PABPC1: variants seen among roughly 807,000 people sequenced by gnomAD.
PABPC1 encodes poly(A) binding protein cytoplasmic 1, also known as polyadenylate-binding protein 1.
PABPC1 carries 4 observed loss-of-function variants against 74.0 expected under a neutral mutation model. That is an observed-to-expected ratio of 0.05 (90% CI 0.03 to 0.12). PABPC1 has a LOEUF of 0.12. PABPC1 is among the 10% of genes least tolerant of loss of function. The pLI is 1.00. For synonymous variants in PABPC1, 227 were observed against 264.1 expected (o/e 0.86, Z 1.36); for missense variants, 271 against 821.1 (o/e 0.33, Z 8.19).
At chr8:100,704,146 G>A in intron 14 of PABPC1, 151 bp downstream of exon 14, 1 of 606,704 alleles carries the variant, frequency 1.6e-6, no homozygotes, top group East Asian at 2.9e-5. Context: ...TTCCTCTATA[G>A]TTAGTTCCAC....
chr8:100,717,761 T>C lies in PABPC1; in HGVS notation c.503+12A>G, dbSNP rs555442365. ...GATTCAAAATATGATTAGCTAGATA[T>C]TTATAACTTACACTTTGCGATCATT... is the stretch of plus-strand genomic sequence containing the variant. On this transcript the variant is annotated intron_variant, in intron 3 of 14. Coordinates refer to ENST00000318607, the MANE Select transcript of PABPC1 (RefSeq NM_002568.4). 8.5e-6 allele frequency: 12 copies of C among 1,408,552 alleles called. No homozygotes were observed. The East Asian group carries it at 2.3e-4, about 27-fold the overall frequency. 87.3% of individuals were successfully genotyped at this position (1,408,552 alleles called of 1,614,324 possible). A position where few individuals can be genotyped will look rare whatever the true frequency, so the allele number is the denominator to read the frequency against.
At chr8:100,705,715 A>G in intron 11 of PABPC1, 42 bp from the exon 12 acceptor site, 1 of 1,296,502 alleles carries the variant, frequency 7.7e-7, no homozygotes, top group East Asian at 2.3e-5. Flanking sequence ...AGCACAGAAA[A>G]AGATGGCAAA....
intron 1 of PABPC1, among the ~76,000 whole-genome samples, chr8:100,718,516 T>G (rs974361238): frequency 3.9e-5 from 6 of 152,172 alleles, no homozygotes; most frequent in African/African-American, 1.4e-4. Flanking sequence ...TATAAAAGAA[T>G]TCCATATTGC....
At chr8:100,713,026 T>C in intron 5 of PABPC1, 61 bp downstream of exon 5, 1 of 1,237,096 alleles carries the variant, frequency 8.1e-7, no homozygotes. Context: ...GCACATAGAC[T>C]TCAACACAAG....
rs564276728 is a variant in PABPC1, at chr8:100,713,189, A to AT, written c.644-9dup. 2 of 1,467,360 alleles carry AT rather than the reference A, an allele frequency of 1.4e-6. No homozygotes were observed. The highest frequency in any genetic ancestry group is 1.4e-5 in the African/African-American group (1 of 70,150). 90.9% of individuals were successfully genotyped at this position (1,467,360 alleles called of 1,614,324 possible). On this transcript the variant is annotated splice_polypyrimidine_tract_variant and intron_variant, in intron 4 of 14. Coordinates refer to ENST00000318607, the MANE Select transcript of PABPC1 (RefSeq NM_002568.4). ...TCACACTTAAGGCAGGCCCTAAAAA[A>AT]TTTTTTTACATAAATCAAAGATATT...
At chr8:100,706,200 G>A (rs1810374449) in intron 11 of PABPC1, among the ~76,000 whole-genome samples, 1 of 152,216 alleles carries the variant, frequency 6.6e-6, no homozygotes, top group Non-Finnish European at 1.5e-5. Flanking sequence ...TTTAGGATGT[G>A]AATTTCTCGC....
intron 1 of PABPC1, among the ~76,000 whole-genome samples, chr8:100,720,601 C>T (rs185221831): frequency 5.1e-4 from 78 of 152,300 alleles, no homozygotes; most frequent in Non-Finnish European, 9.1e-4. Context: ...TACTGTGAAT[C>T]TAAGATAAAA....
Position 100,712,808 on chromosome 8 carries a change from G to A in PABPC1, c.739-19C>T, listed in dbSNP as rs68168659. On this transcript the variant is annotated intron_variant, in intron 5 of 14. Coordinates refer to ENST00000318607, the MANE Select transcript of PABPC1 (RefSeq NM_002568.4). Reference sequence around the variant, plus strand: ...CCACAGCCTTCCCCCCAAAAAAAAAGAAAAAAAAAAAATCACAAAACTTTC... The same window carrying A: ...CCACAGCCTTCCCCCCAAAAAAAAAAAAAAAAAAAAAATCACAAAACTTTC... 8,783 of 1,365,930 alleles carry A rather than the reference G, an allele frequency of 6.4e-3. 11 individuals are homozygous for A. The highest frequency in any genetic ancestry group is 0.024 in the South Asian group (1,647 of 68,942). 84.6% of individuals were successfully genotyped at this position (1,365,930 alleles called of 1,614,324 possible).
chr8:100,717,959 A>C, intron 2 of PABPC1, 71 bp from the exon 3 acceptor site: 1 of 1,362,436 alleles, frequency 7.3e-7, no homozygotes. Flanking sequence ...TTGAGAGACA[A>C]TCTGTTAGCC....
chr8:100,703,788 G>A (rs891036618), intron 14 of PABPC1, among the ~76,000 whole-genome samples: 1 of 152,020 alleles, frequency 6.6e-6, no homozygotes, highest in African/African-American at 2.4e-5. Flanking sequence ...AGTGGCTCAC[G>A]CCTGTAATTT....
intron 9 of PABPC1, among the ~76,000 whole-genome samples, chr8:100,707,407 G>A (rs1810408690): frequency 6.6e-6 from 1 of 152,132 alleles, no homozygotes; most frequent in Admixed American, 6.5e-5. Context: ...ACAAGGGGCA[G>A]GGTAAAGAGT....
chr8:100,717,216 C>T (rs997562968), intron 3 of PABPC1, among the ~76,000 whole-genome samples: 9 of 152,264 alleles, frequency 5.9e-5, no homozygotes, highest in African/African-American at 2.2e-4. Context: ...CCATGTTGGT[C>T]AGGCTGGTCT....
At chr8:100,709,077 C>T in intron 9 of PABPC1, 56 bp downstream of exon 9, 2 of 1,279,424 alleles carry the variant, frequency 1.6e-6, no homozygotes, top group Non-Finnish European at 2.3e-6. Flanking sequence ...GCTGATTTAC[C>T]CAATGTGTTA....
chr8:100,713,202 A>C, intron 4 of PABPC1, 21 bp from the exon 5 acceptor site: 1 of 1,360,978 alleles, frequency 7.3e-7, no homozygotes, highest in Non-Finnish European at 1.0e-6. Context: ...TTTTTACATA[A>C]ATCAAAGATA....
In PABPC1 at chr8:100,704,286, G is replaced by A; in HGVS notation, c.*1+11C>T. The stretch of plus-strand genomic sequence containing the variant: ...CAAGCTTAAAACAACAAACCAGAGG[G>A]AAAAGCTCACTTTAAACAGTTGGAA... On this transcript the variant is annotated intron_variant, in intron 14 of 14. Transcript: ENST00000318607. 1 of 1,601,330 alleles carries A rather than the reference G, an allele frequency of 6.2e-7. No individual in the cohort carries two copies. The highest frequency in any genetic ancestry group is 2.2e-5 in the East Asian group (1 of 44,802).
At chr8:100,719,376 T>A (rs559407860) in intron 1 of PABPC1, among the ~76,000 whole-genome samples, 59 of 148,320 alleles carry the variant, frequency 4.0e-4, no homozygotes, top group African/African-American at 1.4e-3. Flanking sequence ...CCACACCTAC[T>A]CAGCTTCCCT....
chr8:100,717,167 T>C (rs1479129170), intron 3 of PABPC1, among the ~76,000 whole-genome samples: 3 of 152,168 alleles, frequency 2.0e-5, no homozygotes, highest in African/African-American at 4.8e-5. Context: ...TGCGCCACCA[T>C]GCCCAGCTAA....
chr8:100,720,249 C>A (rs567198903), intron 1 of PABPC1, among the ~76,000 whole-genome samples: 35 of 150,944 alleles, frequency 2.3e-4, no homozygotes, highest in African/African-American at 8.4e-4. Context: ...AGCAACTCAA[C>A]AGACCACAGA....
Position 100,721,717 on chromosome 8 carries a change from A to T in PABPC1, c.-134T>A. 1 of 719,016 alleles carries T rather than the reference A, an allele frequency of 1.4e-6. No individual in the cohort carries two copies. Among genetic ancestry groups the T allele is most frequent in the Non-Finnish European group, 2.1e-6 (1 of 474,936 alleles). The allele number at this position is 719,016 out of a possible 1,614,324, so 44.5% of individuals were successfully genotyped here. On this transcript the variant is annotated 5_prime_UTR_variant, in exon 1 of 15. Transcript: ENST00000318607. This position sits in a 1 kb window ranked among gnomAD's most constrained non-coding sequence, Gnocchi z 7.4. ...CGCAGAGGGACAAAAATCAACCGGA[A>T]TTGAAAACTACTCAACGGCCGCAGA... is the stretch of plus-strand genomic sequence containing the variant.
Sources: allele counts gnomAD v4.1 joint callset (sites outside exome capture counted in the v4.1 genomes callset), GRCh38; gene constraint gnomAD v4.1.1; non-coding constraint Gnocchi (gnomAD v3.1); transcripts MANE v1.5; gene names NCBI Gene and HGNC (gene_info 2026-07-23, HGNC 2026-07-21).